PREX2: variants seen among roughly 807,000 people sequenced by gnomAD.
PREX2 encodes phosphatidylinositol-3,4,5-trisphosphate dependent Rac exchange factor 2, also known as phosphatidylinositol 3,4,5-trisphosphate-dependent Rac exchanger 2 protein.
A neutral mutation model predicts 203.2 loss-of-function variants in PREX2; 107 were observed. The ratio of observed to expected loss-of-function variants is 0.53; its 90% CI spans 0.45 to 0.62. The LOEUF (loss-of-function observed/expected upper bound fraction) is 0.62, where lower values mean the gene tolerates loss of function less well. PREX2 is among the 20% of genes least tolerant of loss of function. PREX2 has a pLI of 0.00. For missense variants in PREX2, 1,777 were observed against 1,955.9 expected (o/e 0.91, Z 1.72); for synonymous variants, 672 against 663.6 (o/e 1.01, Z -0.19).
intron 37 of PREX2, among the ~76,000 whole-genome samples, chr8:68,196,188 A>G (rs1812390406): frequency 6.6e-6 from 1 of 151,938 alleles, no homozygotes; most frequent in African/African-American, 2.4e-5. Context: ...CATCATTGCT[A>G]TTAAATAGTG....
chr8:68,101,036 G>C (rs1197250776), intron 23 of PREX2, among the ~76,000 whole-genome samples: 1 of 152,062 alleles, frequency 6.6e-6, no homozygotes, highest in African/African-American at 2.4e-5. Flanking sequence ...TTTAAAAATT[G>C]TTTCTATTTA....
At chr8:68,041,435 A>C (rs1428166201) in intron 7 of PREX2, among the ~76,000 whole-genome samples, 2 of 152,156 alleles carry the variant, frequency 1.3e-5, no homozygotes, top group Non-Finnish European at 2.9e-5. Flanking sequence ...TTCCCTAGTA[A>C]GAGACACTAA....
chr8:68,085,722 A>G (rs558854767), intron 18 of PREX2, among the ~76,000 whole-genome samples: 20 of 152,326 alleles, frequency 1.3e-4, no homozygotes, highest in African/African-American at 4.3e-4. Context: ...GGGGCTTCCA[A>G]CATTTGGACC....
chr8:67,964,637 T>C (rs1805717775), intron 1 of PREX2, among the ~76,000 whole-genome samples: 1 of 152,210 alleles, frequency 6.6e-6, no homozygotes, highest in African/African-American at 2.4e-5. Context: ...TGTTTTTTTT[T>C]CCATTGGCTT....
At chr8:68,194,428 A>G (rs1041119660) in intron 37 of PREX2, among the ~76,000 whole-genome samples, 2 of 152,130 alleles carry the variant, frequency 1.3e-5, no homozygotes, top group Non-Finnish European at 2.9e-5. Flanking sequence ...ATATCTAGAT[A>G]TTTTAATGCC....
At chr8:68,119,540 T>C (rs755418466) in intron 28 of PREX2, 26 bp downstream of exon 28, 1 of 1,542,884 alleles carries the variant, frequency 6.5e-7, no homozygotes, top group Admixed American at 1.7e-5. Flanking sequence ...TGTGGGGCTT[T>C]TGTTCCACAA....
intron 37 of PREX2, among the ~76,000 whole-genome samples, chr8:68,197,864 T>G (rs1242829657): frequency 6.6e-6 from 1 of 151,082 alleles, no homozygotes; most frequent in Non-Finnish European, 1.5e-5. Flanking sequence ...CTCTTTTTTT[T>G]GCTGCATAAT....
intron 14 of PREX2, among the ~76,000 whole-genome samples, chr8:68,072,955 C>T (rs1447094512): frequency 6.6e-6 from 1 of 151,808 alleles, no homozygotes; most frequent in Non-Finnish European, 1.5e-5. Context: ...GCCTTTTTCC[C>T]TTTTAGAAAA....
At chr8:67,994,201 T>C (rs1806696191) in intron 1 of PREX2, among the ~76,000 whole-genome samples, 1 of 152,192 alleles carries the variant, frequency 6.6e-6, no homozygotes, top group East Asian at 1.9e-4. Flanking sequence ...TCCAAGGTCA[T>C]AGGCTAAACT....
At chr8:68,101,552 TCTTA>T (rs1356012580) in intron 23 of PREX2, 2 of 472,260 alleles carry the variant, frequency 4.2e-6, no homozygotes, top group Non-Finnish European at 8.3e-6. Flanking sequence ...AAGATTCTTT[TCTTA>T]CTTCTCCTTT....
At chr8:68,205,833 T>C (rs1205444233) in intron 37 of PREX2, among the ~76,000 whole-genome samples, 1 of 152,174 alleles carries the variant, frequency 6.6e-6, no homozygotes, top group Admixed American at 6.5e-5. Flanking sequence ...AGGAACACAT[T>C]CTCCCTTCAA....
chr8:68,119,634 T>G, intron 28 of PREX2, 120 bp downstream of exon 28: 1 of 683,350 alleles, frequency 1.5e-6, no homozygotes. Flanking sequence ...TCCTTCCACC[T>G]CCTTTACCTC....
intron 6 of PREX2, among the ~76,000 whole-genome samples, chr8:68,037,889 T>C (rs1216910930): frequency 1.6e-4 from 25 of 152,170 alleles, no homozygotes; most frequent in Admixed American, 1.6e-3. Flanking sequence ...ATAGGTGACA[T>C]GTATTCTATA....
chr8:68,123,579 A>G (rs940265103), intron 30 of PREX2, among the ~76,000 whole-genome samples: 1 of 152,036 alleles, frequency 6.6e-6, no homozygotes, highest in African/African-American at 2.4e-5. Flanking sequence ...ACAGAAATAC[A>G]CATAACTATC....
Position 68,143,207 on chromosome 8 carries a change from C to T in PREX2, c.4088-3002C>T, listed in dbSNP as rs531103174. On this transcript the variant is annotated intron_variant, in intron 33 of 39. Transcript: ENST00000288368. ...GTAATCCCCAGTGTTGGAGATGGGG[C>T]CTGGTGGAGGTGATTGGATCATGGG... Among the ~76,000 whole-genome samples, 3 of 152,050 alleles carry T rather than the reference C, an allele frequency of 2.0e-5. No individual in the cohort carries two copies. The South Asian group carries it at 6.2e-4, about 32-fold the overall frequency.
At chr8:67,961,696 A>G (rs1354990009) in intron 1 of PREX2, among the ~76,000 whole-genome samples, 1 of 152,194 alleles carries the variant, frequency 6.6e-6, no homozygotes, top group Non-Finnish European at 1.5e-5. Context: ...TCAATGATTG[A>G]AATTTTAAGA....
chr8:67,969,133 T>C (rs1211148493), intron 1 of PREX2, among the ~76,000 whole-genome samples: 4 of 152,184 alleles, frequency 2.6e-5, no homozygotes, highest in Admixed American at 6.5e-5. Flanking sequence ...CTGACAGTGC[T>C]CATTTATCAA....
rs1461036669 is a variant in PREX2 at position 68,099,854 on chromosome 8, T to C, written c.2715+11T>C. 40 of 1,573,314 alleles carry C rather than the reference T, an allele frequency of 2.5e-5. No homozygotes were observed. Among genetic ancestry groups the C allele is most frequent in the Non-Finnish European group, 3.5e-5 (40 of 1,142,988 alleles). ...TCCAGTTATAAAAAGGTAAGTGTTC[T>C]ATTGATTTTATACACAATTATTGTT... On this transcript the variant is annotated intron_variant, in intron 23 of 39. Transcript: ENST00000288368.
intron 1 of PREX2, among the ~76,000 whole-genome samples, chr8:67,989,263 A>G (rs1018968121): frequency 3.3e-5 from 5 of 152,206 alleles, no homozygotes; most frequent in African/African-American, 9.6e-5. Context: ...TAGAAAGAAT[A>G]ATAGATTTCC....
Sources: allele counts gnomAD v4.1 joint callset (sites outside exome capture counted in the v4.1 genomes callset), GRCh38; gene constraint gnomAD v4.1.1; transcripts MANE v1.5; gene names NCBI Gene and HGNC (gene_info 2026-07-23, HGNC 2026-07-21).